The following TCEA3 variants were observed in gnomAD, a reference collection of about 807,000 sequenced individuals.
TCEA3 encodes transcription elongation factor A protein 3.
Under a neutral mutation model 44.0 loss-of-function variants are expected in TCEA3, and 36 were observed. The observed-to-expected ratio is 0.82, with a 90% CI of 0.63 to 1.08. The LOEUF is 1.08. Among genes scored for constraint, TCEA3 ranks in the 50% least tolerant of loss-of-function variants. The pLI is 0.00. For missense variants in TCEA3, 392 were observed against 441.2 expected (o/e 0.89, Z 1.00); for synonymous variants, 162 against 159.7 (o/e 1.01, Z -0.11).
At chr1:23,389,244 T>TC (rs1638946604) in intron 8 of TCEA3, among the ~76,000 whole-genome samples, 1 of 152,026 alleles carries the variant, frequency 6.6e-6, no homozygotes, top group Admixed American at 6.5e-5. Context: ...TCTCAGCACT[T>TC]TGGGAGGCTG....
chr1:23,416,744 A>C (rs183236544), intron 4 of TCEA3, among the ~76,000 whole-genome samples: 15 of 152,064 alleles, frequency 9.9e-5, no homozygotes, highest in Middle Eastern at 6.8e-3. Context: ...CTCCCGCCTC[A>C]GCCTCCCAAA....
intron 4 of TCEA3, among the ~76,000 whole-genome samples, chr1:23,409,975 G>A (rs916217821): frequency 1.3e-5 from 2 of 152,022 alleles, no homozygotes; most frequent in African/African-American, 4.8e-5. Flanking sequence ...TTTCCCTTGG[G>A]TGCTCACTCT....
intron 1 of TCEA3, among the ~76,000 whole-genome samples, 186 bp downstream of exon 1, chr1:23,424,379 C>T: frequency 6.6e-6 from 1 of 151,984 alleles, no homozygotes; most frequent in Non-Finnish European, 1.5e-5. Context: ...ACGCACACGC[C>T]CACCTCGAGG....
At chr1:23,393,763 G>T (rs766677608) in intron 8 of TCEA3, 116 bp downstream of exon 8, 107 of 1,372,464 alleles carry the variant, frequency 7.8e-5, no homozygotes, top group Non-Finnish European at 9.6e-5. Context: ...AGATGAGGCT[G>T]GTTTGAAAAG....
Position 23,420,436 on chromosome 1 carries a change from G to C in TCEA3, c.70-1297C>G, listed in dbSNP as rs191555806. Among the ~76,000 whole-genome samples, 727 of 152,304 alleles carry C rather than the reference G, an allele frequency of 4.8e-3. 1 individual carries two copies. The highest frequency in any genetic ancestry group is 7.8e-3 in the Non-Finnish European group (528 of 68,030). On this transcript the variant is annotated intron_variant, in intron 1 of 10. Coordinates refer to ENST00000450454, the MANE Select transcript of TCEA3 (RefSeq NM_003196.3). Reference sequence around the variant, plus strand: ...TTTTGCATTGTTTCGTAGAGATAGGGTTTTGCCATGTTGCCCAAGCTGGTC... The same window carrying C: ...TTTTGCATTGTTTCGTAGAGATAGGCTTTTGCCATGTTGCCCAAGCTGGTC...
intron 10 of TCEA3, chr1:23,383,916 C>G: frequency 9.9e-7 from 1 of 1,012,536 alleles, no homozygotes; most frequent in Non-Finnish European, 1.2e-6. Flanking sequence ...AGGTTCAACT[C>G]CTTTCTGACA....
At chr1:23,406,640 G>GTT (rs1392974132) in intron 5 of TCEA3, among the ~76,000 whole-genome samples, 11 of 151,826 alleles carry the variant, frequency 7.2e-5, no homozygotes, top group African/African-American at 2.2e-4. Flanking sequence ...GTTTTGTTTT[G>GTT]TTGTGTTGTG....
In TCEA3 at chr1:23,381,144, G is replaced by C; in HGVS notation, c.*322C>G. The C allele has an allele frequency of 3.0e-6, 1 of 328,206 alleles. No homozygotes were observed. Among genetic ancestry groups the C allele is most frequent in the South Asian group, 4.4e-5 (1 of 22,540 alleles). The allele number at this position is 328,206 out of a possible 1,614,324, so 20.3% of individuals were successfully genotyped here. A position where few individuals can be genotyped will look rare whatever the true frequency, so the allele number is the denominator to read the frequency against. ...TGCCTGGGCTGGACTCAAACTTCTG[G>C]GGTTAAGCGATTCTCCCACCTCAGC... On this transcript the variant is annotated 3_prime_UTR_variant, in exon 11 of 11. Coordinates refer to ENST00000450454, the MANE Select transcript of TCEA3 (RefSeq NM_003196.3).
chr1:23,403,310 C>T (rs1639452023), intron 5 of TCEA3, among the ~76,000 whole-genome samples: 1 of 152,260 alleles, frequency 6.6e-6, no homozygotes, highest in South Asian at 2.1e-4. Flanking sequence ...CTGAGACCAA[C>T]ACTTTGTAGC....
At chr1:23,395,979 A>C (rs533599084) in intron 7 of TCEA3, among the ~76,000 whole-genome samples, 1 of 151,888 alleles carries the variant, frequency 6.6e-6, no homozygotes, top group Admixed American at 6.6e-5. Flanking sequence ...TGAAGATGAA[A>C]CTCGTGATAG....
At chr1:23,407,900 G>C (rs1215591705) in intron 5 of TCEA3, among the ~76,000 whole-genome samples, 1 of 152,162 alleles carries the variant, frequency 6.6e-6, no homozygotes, top group East Asian at 1.9e-4. Context: ...AATCCAGAGA[G>C]AGCCCATTCC....
At position 23,424,414 on chromosome 1, in the gene TCEA3, C is replaced by T. The variant is rs893256416; in HGVS notation, c.69+151G>A. The T allele has an allele frequency of 3.1e-5, 20 of 653,364 alleles. No homozygotes were observed. In the East Asian group the frequency reaches 4.9e-4, roughly 16 times the overall value. 40.5% of individuals were successfully genotyped at this position (653,364 alleles called of 1,614,324 possible). ...GTGCTCAGCAAGGGTCCCCAAGGGG[C>T]CTTGGGCCCTGCACCAGCCGCTCCT... On this transcript the variant is annotated intron_variant, in intron 1 of 10. Transcript: ENST00000450454.
At chr1:23,387,547 G>A (rs182923502) in intron 8 of TCEA3, 128 bp from the exon 9 acceptor site, 16,272 of 1,176,330 alleles carry the variant, frequency 0.014, 131 homozygotes, top group Non-Finnish European at 0.016. Context: ...GCTGGAAGGA[G>A]GCCTGGATTC....
intron 5 of TCEA3, among the ~76,000 whole-genome samples, chr1:23,399,667 AC>A (rs1639340508): frequency 6.8e-6 from 1 of 146,822 alleles, no homozygotes; most frequent in Non-Finnish European, 1.5e-5. Flanking sequence ...GATGTGAGAA[AC>A]CTTTTTTTTT....
intron 5 of TCEA3, chr1:23,403,666 T>C (rs1403699242): frequency 6.1e-6 from 1 of 163,904 alleles, no homozygotes; most frequent in Non-Finnish European, 1.3e-5. Context: ...TGCCCCAAGT[T>C]ATCCATCCAA....
chr1:23,402,673 C>T (rs1639433385), intron 5 of TCEA3, among the ~76,000 whole-genome samples: 1 of 152,208 alleles, frequency 6.6e-6, no homozygotes, highest in Non-Finnish European at 1.5e-5. Context: ...TTTTACAGCA[C>T]TTATCCAAGT....
chr1:23,398,900 GGGACCACA>G, intron 5 of TCEA3, among the ~76,000 whole-genome samples: 1 of 151,742 alleles, frequency 6.6e-6, no homozygotes, highest in East Asian at 1.9e-4. Context: ...CCAAGGAGCT[GGGACCACA>G]GGAGCACGCC....
At chr1:23,391,380 G>A (rs1008631386) in intron 8 of TCEA3, among the ~76,000 whole-genome samples, 2 of 151,858 alleles carry the variant, frequency 1.3e-5, no homozygotes, top group Non-Finnish European at 2.9e-5. Context: ...TTACAGGCAT[G>A]AGCCACCTCA....
chr1:23,390,754 A>C lies in TCEA3; in HGVS notation c.819+3125T>G, dbSNP rs1046651815. ...AATAAATACAACACTGTAGAAAATA[A>C]GGTGGAAAATGAAGGAAATGAGAGT... On this transcript the variant is annotated intron_variant, in intron 8 of 10. Coordinates refer to ENST00000450454, the MANE Select transcript of TCEA3 (RefSeq NM_003196.3). Among the ~76,000 whole-genome samples the C allele has an allele frequency of 5.3e-5, 8 of 152,246 alleles. No homozygotes were observed. The East Asian group carries it at 1.5e-3, about 29-fold the overall frequency.
Sources: gnomAD v4.1 joint callset for allele counts (sites outside exome capture counted in the v4.1 genomes callset) on GRCh38, gnomAD v4.1.1 for gene constraint, MANE v1.5 for transcripts, NCBI Gene and HGNC (gene_info 2026-07-23, HGNC 2026-07-21) for gene names.